NRG3: variants seen among roughly 807,000 people sequenced by gnomAD.
NRG3 encodes neuregulin 3.
Under a neutral mutation model 66.9 loss-of-function variants are expected in NRG3, and 31 were observed. That is an observed-to-expected ratio of 0.46 (90% CI 0.35 to 0.63). NRG3 has a LOEUF of 0.63. NRG3 is among the 20% of genes least tolerant of loss of function. The pLI is 0.00. For missense variants in NRG3, 910 were observed against 878.9 expected (o/e 1.04, Z -0.45); for synonymous variants, 393 against 359.4 (o/e 1.09, Z -1.06).
At chr10:82,652,835 G>T (rs2051536434) in intron 2 of NRG3, among the ~76,000 whole-genome samples, 1 of 152,160 alleles carries the variant, frequency 6.6e-6, no homozygotes, top group Admixed American at 6.5e-5. Context: ...TCTGCTCCAG[G>T]ATTTCTGACC....
intron 1 of NRG3, among the ~76,000 whole-genome samples, chr10:82,263,801 A>G (rs2078159458): frequency 6.6e-6 from 1 of 152,220 alleles, no homozygotes; most frequent in South Asian, 2.1e-4. Context: ...AGCCAAATAC[A>G]GATAACACCA....
At chr10:82,955,359 CA>C (rs1365366735) in intron 5 of NRG3, 1 of 151,966 alleles carries the variant, frequency 6.6e-6, no homozygotes, top group Non-Finnish European at 1.5e-5. Context: ...CCAATAAGCT[CA>C]TATATTCCTA....
At chr10:82,583,432 G>GA (rs1475281352) in intron 2 of NRG3, among the ~76,000 whole-genome samples, 5 of 152,178 alleles carry the variant, frequency 3.3e-5, no homozygotes, top group Non-Finnish European at 7.4e-5. Context: ...TGGCAAGAGA[G>GA]AAAATAAGCC....
At chr10:82,234,048 A>G (rs577382995) in intron 1 of NRG3, among the ~76,000 whole-genome samples, 1 of 152,292 alleles carries the variant, frequency 6.6e-6, no homozygotes, top group Non-Finnish European at 1.5e-5. Context: ...TAATATTGGT[A>G]AAACAAACGA....
intron 1 of NRG3, among the ~76,000 whole-genome samples, chr10:82,242,726 G>A (rs2134008993): frequency 6.6e-6 from 1 of 152,144 alleles, no homozygotes; most frequent in Non-Finnish European, 1.5e-5. Context: ...GTGAGAGAGA[G>A]TAAGAAAGAA....
chr10:82,420,310 A>T (rs939225568), intron 2 of NRG3, among the ~76,000 whole-genome samples: 2 of 152,176 alleles, frequency 1.3e-5, no homozygotes, highest in Non-Finnish European at 2.9e-5. Flanking sequence ...AGAAGTCATA[A>T]TTAGGGATGC....
At chr10:82,750,272 A>T (rs1479634244) in intron 3 of NRG3, among the ~76,000 whole-genome samples, 1 of 152,194 alleles carries the variant, frequency 6.6e-6, no homozygotes, top group Non-Finnish European at 1.5e-5. Flanking sequence ...ATGATAGAGC[A>T]ATTTCACCAA....
At chr10:82,647,611 A>G (rs1268767685) in intron 2 of NRG3, among the ~76,000 whole-genome samples, 3 of 151,742 alleles carry the variant, frequency 2.0e-5, no homozygotes, top group East Asian at 3.9e-4. Context: ...ACTAGTTTAC[A>G]GTCCCACCAA....
Position 82,341,666 on chromosome 10 carries a change from C to T in NRG3, c.824-17073C>T, listed in dbSNP as rs149558649. Among the ~76,000 whole-genome samples the T allele has an allele frequency of 8.0e-4, 121 of 151,934 alleles. 1 individual carries two copies. Among genetic ancestry groups the T allele is most frequent in the African/African-American group, 2.7e-3 (111 of 41,478 alleles). On this transcript the variant is annotated intron_variant, in intron 1 of 8. Transcript: ENST00000372141. ...TTTCTTACATTAATATTTTACATAG[C>T]GTTAGAGTCTGGGCTTTTAGTGTAC... is the stretch of plus-strand genomic sequence containing the variant.
At chr10:82,846,999 G>T (rs1321855141) in intron 3 of NRG3, among the ~76,000 whole-genome samples, 1 of 152,198 alleles carries the variant, frequency 6.6e-6, no homozygotes, top group Non-Finnish European at 1.5e-5. Context: ...GTACAGAGGT[G>T]TAGGAGTCTG....
chr10:82,023,505 G>A (rs960331539), intron 1 of NRG3, among the ~76,000 whole-genome samples: 1 of 151,862 alleles, frequency 6.6e-6, no homozygotes, highest in Non-Finnish European at 1.5e-5. Context: ...TTTATAAGTG[G>A]TCTTTATTAT....
At chr10:82,545,033 CT>C (rs1279859578) in intron 2 of NRG3, among the ~76,000 whole-genome samples, 6 of 152,160 alleles carry the variant, frequency 3.9e-5, no homozygotes, top group Non-Finnish European at 8.8e-5. Context: ...TGATATTGAA[CT>C]TCCACCTGAA....
chr10:82,911,106 A>G (rs1845278368), intron 4 of NRG3, among the ~76,000 whole-genome samples: 1 of 152,184 alleles, frequency 6.6e-6, no homozygotes, highest in Non-Finnish European at 1.5e-5. Flanking sequence ...GTCAGAGGTA[A>G]ATATATATGT....
At chr10:82,840,661 GA>G (rs1186985372) in intron 3 of NRG3, among the ~76,000 whole-genome samples, 2 of 152,140 alleles carry the variant, frequency 1.3e-5, no homozygotes, top group African/African-American at 4.8e-5. Context: ...TGCATTAAAA[GA>G]ACAAGGGTTT....
chr10:82,548,523 TCACACACACA>T (rs59459683), intron 2 of NRG3, among the ~76,000 whole-genome samples: 5,334 of 139,542 alleles, frequency 0.038, 195 homozygotes, highest in African/African-American at 0.097. Context: ...ATTCTGTCTC[TCACACACACA>T]CACACACACA....
At chr10:82,897,402 CA>C (rs1843757732) in intron 4 of NRG3, among the ~76,000 whole-genome samples, 1 of 152,128 alleles carries the variant, frequency 6.6e-6, no homozygotes, top group Non-Finnish European at 1.5e-5. Context: ...CAGTAACATG[CA>C]AAAGATCCAT....
intron 1 of NRG3, among the ~76,000 whole-genome samples, chr10:82,167,526 T>A: frequency 6.6e-6 from 1 of 152,246 alleles, no homozygotes; most frequent in Middle Eastern, 3.4e-3. Context: ...CTGTAAAATT[T>A]TATAAAATAT....
intron 1 of NRG3, among the ~76,000 whole-genome samples, chr10:82,181,861 C>T (rs2073443506): frequency 6.6e-6 from 1 of 151,782 alleles, no homozygotes; most frequent in African/African-American, 2.4e-5. Context: ...TTGAAAGGTT[C>T]TACTGTTATT....
At chr10:82,898,337 G>A (rs1237375353) in intron 4 of NRG3, among the ~76,000 whole-genome samples, 6 of 152,130 alleles carry the variant, frequency 3.9e-5, no homozygotes, top group Non-Finnish European at 8.8e-5. Context: ...CAACTAAAAC[G>A]TGGAGGCAAA....
Sources: allele counts gnomAD v4.1 joint callset (sites outside exome capture counted in the v4.1 genomes callset), GRCh38; gene constraint gnomAD v4.1.1; transcripts MANE v1.5; gene names NCBI Gene and HGNC (gene_info 2026-07-23, HGNC 2026-07-21).